The following CLCN6 variants were observed in gnomAD, a reference collection of about 807,000 sequenced individuals.
CLCN6 encodes the protein H(+)/Cl(-) exchange transporter 6.
A neutral mutation model predicts 109.8 loss-of-function variants in CLCN6; 70 were observed. The ratio of observed to expected loss-of-function variants is 0.64; its 90% CI spans 0.53 to 0.78. The LOEUF is 0.78. Among genes scored for constraint, CLCN6 ranks in the 30% least tolerant of loss-of-function variants. The probability of loss-of-function intolerance (pLI) is 0.00; values close to 1 mark genes in which losing one functional copy is unlikely to be tolerated. For missense variants in CLCN6, 984 were observed against 1,142.3 expected (o/e 0.86, Z 2.00); for synonymous variants, 444 against 447.8 (o/e 0.99, Z 0.11).
chr1:11,819,915 A>G (rs1051141913), intron 5 of CLCN6, among the ~76,000 whole-genome samples: 2 of 152,242 alleles, frequency 1.3e-5, no homozygotes, highest in African/African-American at 4.8e-5. Context: ...GTTCTAAATG[A>G]CAAGAAGGTG....
chr1:11,814,247 CTTTT>C (rs1197587407), intron 2 of CLCN6, among the ~76,000 whole-genome samples: 5 of 131,228 alleles, frequency 3.8e-5, no homozygotes, highest in Non-Finnish European at 4.9e-5. Context: ...ACTGCTGCGT[CTTTT>C]TTTTTTTTTT....
chr1:11,813,869 A>G (rs1644635244), intron 2 of CLCN6, among the ~76,000 whole-genome samples: 1 of 152,160 alleles, frequency 6.6e-6, no homozygotes, highest in South Asian at 2.1e-4. Context: ...TTAATTCTCC[A>G]TCCTGCTTTA....
Position 11,838,569 on chromosome 1 carries a change from C to T in CLCN6, c.2438C>T (p.Thr813Ile), listed in dbSNP as rs1644979970. ...VTPYMNPSPF[T>I]VSPNTHVSQV... The stretch of plus-strand genomic sequence containing the variant: ...CCATACATGAACCCTTCGCCTTTCA[C>T]CGTCTCGCCCAACACCCACGTCTCC... The change falls in exon 22 of 23, where the codon ACC (threonine) becomes ATC (isoleucine). Residue 813 changes from threonine (T) to isoleucine (I), a missense_variant. Physicochemically the swap from Thr to Ile is moderately conservative, Grantham distance 89 (BLOSUM62 -1). Coordinates refer to ENST00000346436, the MANE Select transcript of CLCN6 (RefSeq NM_001286.5). The T allele has an allele frequency of 6.2e-7, 1 of 1,612,242 alleles. No homozygotes were observed. Among genetic ancestry groups the T allele is most frequent in the Non-Finnish European group, 8.5e-7 (1 of 1,178,378 alleles).
intron 1 of CLCN6, 165 bp downstream of exon 1, chr1:11,806,514 T>G (rs1644513596): frequency 1.9e-6 from 1 of 534,572 alleles, no homozygotes; most frequent in Non-Finnish European, 3.1e-6. Flanking sequence ...TTCACGTGCC[T>G]AAGTCTGGGG....
chr1:11,830,980 C>A (rs1356135806), intron 13 of CLCN6, among the ~76,000 whole-genome samples: 1 of 151,466 alleles, frequency 6.6e-6, no homozygotes, highest in Non-Finnish European at 1.5e-5. Context: ...ATTACAGGCA[C>A]CCACCACCAT....
At chr1:11,838,712 A>C in intron 22 of CLCN6, 52 bp downstream of exon 22, 1 of 1,613,898 alleles carries the variant, frequency 6.2e-7, no homozygotes, top group Non-Finnish European at 8.5e-7. Flanking sequence ...TCCCCTAGCC[A>C]GGTGCTGTTT....
At chr1:11,829,126 G>T in intron 12 of CLCN6, 70 bp from the exon 13 acceptor site, 1 of 1,583,020 alleles carries the variant, frequency 6.3e-7, no homozygotes. Flanking sequence ...GGTAGGCAGG[G>T]TTATGTTTTG....
Position 11,834,045 on chromosome 1 carries a change from T to C in CLCN6, c.1526+15T>C, listed in dbSNP as rs753113236. 5 of 1,612,522 alleles carry C rather than the reference T, an allele frequency of 3.1e-6. No individual in the cohort carries two copies. Among genetic ancestry groups the C allele is most frequent in the East Asian group, 2.2e-5 (1 of 44,892 alleles). ...GTCCTAAAAAGGTACTCTGTGTGTG[T>C]GCGTGTGTGTGCGCATGTGCATGTG... On this transcript the variant is annotated intron_variant, in intron 15 of 22. Transcript: ENST00000346436. This position sits in a 1 kb window ranked among gnomAD's most constrained non-coding sequence, Gnocchi z 4.5.
At chr1:11,828,350 G>A (rs1202024099) in intron 11 of CLCN6, 108 bp from the exon 12 acceptor site, 15 of 1,474,528 alleles carry the variant, frequency 1.0e-5, no homozygotes, top group Non-Finnish European at 1.4e-5. Flanking sequence ...ATTAGCCTCT[G>A]CCGTGCGGGA....
rs1557432361 is a variant in CLCN6, at chr1:11,834,107, TGCGTGC to T, written c.1526+79_1526+84del. ...GCGTGTGTATGCATGTGTGTGCGTG[TGCGTGC>T]GTTGATGTGTCTGTGCCCATGCATG... On this transcript the variant is annotated intron_variant, in intron 15 of 22. Coordinates refer to ENST00000346436, the MANE Select transcript of CLCN6 (RefSeq NM_001286.5). The surrounding 1 kb of genome is among the most constrained non-coding windows in gnomAD (Gnocchi z 4.5). 1.9e-6 allele frequency: 3 copies of T among 1,594,326 alleles called. No homozygotes were observed. Among genetic ancestry groups the T allele is most frequent in the Admixed American group, 3.6e-5 (2 of 56,150 alleles).
chr1:11,807,958 C>CT (rs200524870), intron 2 of CLCN6, among the ~76,000 whole-genome samples: 1,758 of 151,950 alleles, frequency 0.012, 24 homozygotes, highest in African/African-American at 0.03. Flanking sequence ...ACAACCTTTT[C>CT]TTTTTTTTGA....
chr1:11,822,831 T>TA, intron 6 of CLCN6, 30 bp downstream of exon 6: 2 of 1,406,856 alleles, frequency 1.4e-6, no homozygotes, highest in South Asian at 2.3e-5. Flanking sequence ...CCTGCTCGCT[T>TA]AGGAGGTTTT....
chr1:11,806,457 G>T (rs1007421872), intron 1 of CLCN6, 108 bp downstream of exon 1: 5 of 1,040,430 alleles, frequency 4.8e-6, no homozygotes, highest in Admixed American at 8.0e-5. Flanking sequence ...GTGGCAGCGG[G>T]TGGGGCCTGG....
intron 5 of CLCN6, 103 bp from the exon 6 acceptor site, chr1:11,822,592 C>T (rs1191518605): frequency 5.8e-6 from 4 of 688,214 alleles, no homozygotes; most frequent in South Asian, 1.9e-5. Context: ...AAAGTGCACT[C>T]AGCAGCCAGC....
intron 21 of CLCN6, 46 bp downstream of exon 21, chr1:11,838,488 A>G (rs751840943): frequency 6.2e-7 from 1 of 1,607,844 alleles, no homozygotes; most frequent in Non-Finnish European, 8.5e-7. Flanking sequence ...CTGCCTCTTC[A>G]TGCCGTTGGC....
At chr1:11,835,785 AC>A (rs1553121497) in intron 17 of CLCN6, among the ~76,000 whole-genome samples, 181 bp from the exon 18 acceptor site, 1 of 152,138 alleles carries the variant, frequency 6.6e-6, no homozygotes, top group Non-Finnish European at 1.5e-5. Context: ...AGGTGCGGGA[AC>A]AGCATGTGTC....
rs1380605853 is a variant in CLCN6, at chr1:11,826,300, GC to G, written c.707+87del. ...CAGACTCGACACTTGCTCTAGCCTG[GC>G]AGTATCCCCTGCGGGGAAACCCGAC... On this transcript the variant is annotated intron_variant, in intron 9 of 22. Coordinates refer to ENST00000346436, the MANE Select transcript of CLCN6 (RefSeq NM_001286.5). 14 of 1,144,750 alleles carry G rather than the reference GC, an allele frequency of 1.2e-5. No individual in the cohort carries two copies. The Admixed American group carries it at 1.4e-4, about 11-fold the overall frequency. 70.9% of individuals were successfully genotyped at this position (1,144,750 alleles called of 1,614,324 possible).
At chr1:11,831,936 G>T (rs1229312162) in intron 13 of CLCN6, among the ~76,000 whole-genome samples, 2 of 152,178 alleles carry the variant, frequency 1.3e-5, no homozygotes, top group Non-Finnish European at 2.9e-5. Flanking sequence ...AGGAGTGCTA[G>T]GATTATAGAC....
chr1:11,829,106 C>G, intron 12 of CLCN6, 90 bp from the exon 13 acceptor site: 1 of 1,484,962 alleles, frequency 6.7e-7, no homozygotes, highest in Non-Finnish European at 9.2e-7. Context: ...TTGGAGAAAT[C>G]GGGGCTGGGG....
Sources: allele counts gnomAD v4.1 joint callset (sites outside exome capture counted in the v4.1 genomes callset), GRCh38; gene constraint gnomAD v4.1.1; non-coding constraint Gnocchi (gnomAD v3.1); transcripts MANE v1.5; gene names NCBI Gene and HGNC (gene_info 2026-07-23, HGNC 2026-07-21).